The following MCTP2 variants were observed in gnomAD, a reference collection of about 807,000 sequenced individuals.
MCTP2 encodes the protein multiple C2 and transmembrane domain-containing protein 2.
Under a neutral mutation model 111.6 loss-of-function variants are expected in MCTP2, and 132 were observed. The ratio of observed to expected loss-of-function variants is 1.18; its 90% CI spans 1.03 to 1.37. The LOEUF is 1.37. Ranked by LOEUF, MCTP2 falls within the 40% of genes most tolerant of loss-of-function variation. The pLI is 0.00. For missense variants in MCTP2, 1,183 were observed against 1,067.9 expected (o/e 1.11, Z -1.50); for synonymous variants, 395 against 387.7 (o/e 1.02, Z -0.22).
At chr15:94,378,638 G>C (rs1473738886) in intron 12 of MCTP2, among the ~76,000 whole-genome samples, 1 of 152,204 alleles carries the variant, frequency 6.6e-6, no homozygotes, top group Admixed American at 6.5e-5. Context: ...ATTTTAGCAA[G>C]GTGAAGTCCT....
chr15:94,345,079 C>T (rs755191179), intron 7 of MCTP2, 50 bp from the exon 8 acceptor site: 7 of 1,596,648 alleles, frequency 4.4e-6, no homozygotes, highest in Non-Finnish European at 6.0e-6. Context: ...ATTCTATCTT[C>T]CTCTGTTTTA....
chr15:94,440,425 A>G (rs1216355048), intron 18 of MCTP2, 127 bp downstream of exon 18: 9 of 1,176,232 alleles, frequency 7.7e-6, no homozygotes, highest in African/African-American at 1.5e-5. Context: ...CTGCAAAGGC[A>G]CTCATTTTGC....
At chr15:94,327,387 A>G (rs1049710556) in intron 4 of MCTP2, among the ~76,000 whole-genome samples, 4 of 152,236 alleles carry the variant, frequency 2.6e-5, no homozygotes, top group African/African-American at 9.6e-5. Context: ...TGCAGCACAT[A>G]TTGGAGCCTG....
intron 2 of MCTP2, among the ~76,000 whole-genome samples, chr15:94,304,185 T>C (rs920453519): frequency 1.3e-5 from 2 of 152,238 alleles, no homozygotes; most frequent in South Asian, 4.1e-4. Context: ...CTCATGCCTG[T>C]AATCCCAGCA....
chr15:94,308,594 C>G (rs533795152), intron 2 of MCTP2, among the ~76,000 whole-genome samples: 1 of 152,340 alleles, frequency 6.6e-6, no homozygotes, highest in East Asian at 1.9e-4. Context: ...CAGCGATGTA[C>G]AAGCAACCAT....
chr15:94,425,680 CACAA>C (rs1205489627), intron 17 of MCTP2, among the ~76,000 whole-genome samples: 2 of 152,028 alleles, frequency 1.3e-5, no homozygotes, highest in Non-Finnish European at 2.9e-5. Flanking sequence ...AGAGAAAAGA[CACAA>C]ACAGGCATTG....
chr15:94,244,408 G>T (rs1003567308), intron 1 of MCTP2, among the ~76,000 whole-genome samples: 1 of 146,290 alleles, frequency 6.8e-6, no homozygotes, highest in Non-Finnish European at 1.5e-5. Context: ...ATTTATATTC[G>T]TATATGTATA....
chr15:94,279,357 T>C (rs771783419), intron 1 of MCTP2, among the ~76,000 whole-genome samples: 1 of 152,136 alleles, frequency 6.6e-6, no homozygotes, highest in Non-Finnish European at 1.5e-5. Flanking sequence ...CATTCCTAGG[T>C]ATTTTCTTCT....
At chr15:94,351,201 C>G (rs868581479) in intron 8 of MCTP2, among the ~76,000 whole-genome samples, 6 of 152,064 alleles carry the variant, frequency 3.9e-5, no homozygotes, top group Non-Finnish European at 7.4e-5. Context: ...TCTTTTTATT[C>G]TCATGCAAGG....
chr15:94,322,424 G>A (rs558644336), intron 4 of MCTP2, among the ~76,000 whole-genome samples: 1 of 152,126 alleles, frequency 6.6e-6, no homozygotes, highest in Non-Finnish European at 1.5e-5. Context: ...CTAGAACATG[G>A]ATTAGTAGAC....
chr15:94,433,097 T>G (rs2083280717), intron 17 of MCTP2, among the ~76,000 whole-genome samples: 1 of 152,158 alleles, frequency 6.6e-6, no homozygotes, highest in African/African-American at 2.4e-5. Flanking sequence ...TTGTTAGATT[T>G]GTTCAAGTGT....
chr15:94,466,192 A>G (rs546187320), intron 20 of MCTP2, among the ~76,000 whole-genome samples: 1 of 152,122 alleles, frequency 6.6e-6, no homozygotes, highest in African/African-American at 2.4e-5. Context: ...ATGATTTAAT[A>G]TATTGGATTA....
At chr15:94,303,245 C>T (rs796073425) in intron 2 of MCTP2, among the ~76,000 whole-genome samples, 2 of 151,270 alleles carry the variant, frequency 1.3e-5, no homozygotes, top group African/African-American at 4.8e-5. Flanking sequence ...AGGCCATCTA[C>T]AGGCTGAGGA....
intron 17 of MCTP2, among the ~76,000 whole-genome samples, chr15:94,433,122 G>T (rs931685196): frequency 4.6e-5 from 7 of 152,128 alleles, no homozygotes; most frequent in Non-Finnish European, 1.0e-4. Flanking sequence ...GGCAATGCTA[G>T]CTAAGTTCTT....
intron 2 of MCTP2, among the ~76,000 whole-genome samples, chr15:94,298,949 CTCTCCCTCTCTCCCT>C (rs2075439297): frequency 1.9e-4 from 1 of 5,194 alleles, no homozygotes; most frequent in Non-Finnish European, 3.2e-4. Context: ...CTCTCTCCCT[CTCTCCCTCTCTCCCT>C]CTCTCCCTCT....
intron 1 of MCTP2, among the ~76,000 whole-genome samples, chr15:94,264,459 A>G: frequency 6.6e-6 from 1 of 152,074 alleles, no homozygotes; most frequent in East Asian, 1.9e-4. Context: ...ATACAAAAAA[A>G]TTAGCTGGGC....
chr15:94,331,679 A>T (rs1371273378), intron 4 of MCTP2, among the ~76,000 whole-genome samples: 1 of 152,244 alleles, frequency 6.6e-6, no homozygotes, highest in Non-Finnish European at 1.5e-5. Context: ...TATATTGGTC[A>T]TTGGAAATTC....
chr15:94,373,766 C>G (rs909792634), intron 12 of MCTP2, among the ~76,000 whole-genome samples: 1 of 152,156 alleles, frequency 6.6e-6, no homozygotes, highest in East Asian at 1.9e-4. Flanking sequence ...AGTAGAAAAG[C>G]CTGTCAAATG....
At chr15:94,332,421 C>T (rs186215617) in intron 4 of MCTP2, among the ~76,000 whole-genome samples, 22 of 152,198 alleles carry the variant, frequency 1.4e-4, no homozygotes, top group Admixed American at 1.3e-3. Context: ...ATAGAATAGT[C>T]ACTTATTACT....
Sources: gnomAD v4.1 joint callset for allele counts (sites outside exome capture counted in the v4.1 genomes callset) on GRCh38, gnomAD v4.1.1 for gene constraint, MANE v1.5 for transcripts, NCBI Gene and HGNC (gene_info 2026-07-23, HGNC 2026-07-21) for gene names.